The following MND1 variants were observed in gnomAD, a reference collection of about 807,000 sequenced individuals.
The protein encoded by MND1 is meiotic nuclear divisions 1.
MND1 carries 28 observed loss-of-function variants against 35.1 expected under a neutral mutation model. The ratio of observed to expected loss-of-function variants is 0.80; its 90% CI spans 0.59 to 1.09. The LOEUF (loss-of-function observed/expected upper bound fraction) is 1.09, where lower values mean the gene tolerates loss of function less well. Ranked by LOEUF, MND1 falls within the 50% of genes least tolerant of loss-of-function variation. The pLI is 0.00. For missense variants in MND1, 213 were observed against 239.6 expected (o/e 0.89, Z 0.73); for synonymous variants, 69 against 70.5 (o/e 0.98, Z 0.11).
At chr4:153,381,808 T>C (rs553011464) in intron 4 of MND1, 9 of 144,144 alleles carry the variant, frequency 6.2e-5, no homozygotes, top group South Asian at 2.2e-4. Context: ...AGCATGGGAG[T>C]TTTTACCTGT....
chr4:153,373,421 C>T (rs1461671376), intron 4 of MND1, among the ~76,000 whole-genome samples: 4 of 152,100 alleles, frequency 2.6e-5, no homozygotes, highest in Non-Finnish European at 4.4e-5. Flanking sequence ...GTCAAATATA[C>T]GGTTTTTATT....
chr4:153,361,899 G>A (rs13132311), intron 4 of MND1, among the ~76,000 whole-genome samples: 12,369 of 151,892 alleles, frequency 0.081, 636 homozygotes, highest in Non-Finnish European at 0.11. Context: ...TTCCCTAATA[G>A]CTCTGTTCTT....
chr4:153,368,761 T>C (rs1441752882), intron 4 of MND1, among the ~76,000 whole-genome samples: 1 of 152,198 alleles, frequency 6.6e-6, no homozygotes, highest in Non-Finnish European at 1.5e-5. Flanking sequence ...ATATTGTTAT[T>C]TGTGGCCGAA....
chr4:153,355,870 C>A, intron 3 of MND1, 159 bp downstream of exon 3: 1 of 585,420 alleles, frequency 1.7e-6, no homozygotes, highest in Admixed American at 3.2e-5. Flanking sequence ...CCAAAGATAA[C>A]CACTGTCATG....
At chr4:153,378,019 G>A (rs1225349631) in intron 4 of MND1, among the ~76,000 whole-genome samples, 1 of 152,092 alleles carries the variant, frequency 6.6e-6, no homozygotes, top group Non-Finnish European at 1.5e-5. Context: ...TTCTTTGAAG[G>A]CAGGGTCTAT....
intron 6 of MND1, among the ~76,000 whole-genome samples, chr4:153,400,759 A>G (rs868588045): frequency 3.2e-4 from 49 of 152,292 alleles, no homozygotes; most frequent in African/African-American, 1.1e-3. Context: ...TATGTCTGGC[A>G]TACAAGCAAA....
At chr4:153,387,894 T>A (rs1205599096) in intron 4 of MND1, among the ~76,000 whole-genome samples, 1 of 152,136 alleles carries the variant, frequency 6.6e-6, no homozygotes, top group African/African-American at 2.4e-5. Flanking sequence ...ACTGATCTAG[T>A]TGCTTTTGCT....
chr4:153,364,686 T>G (rs1382749459), intron 4 of MND1, among the ~76,000 whole-genome samples: 3 of 152,148 alleles, frequency 2.0e-5, no homozygotes, highest in African/African-American at 7.2e-5. Context: ...TGGAATATTA[T>G]TCAGCCTTAA....
At chr4:153,371,840 T>C (rs1319789926) in intron 4 of MND1, among the ~76,000 whole-genome samples, 1 of 152,164 alleles carries the variant, frequency 6.6e-6, no homozygotes, top group Non-Finnish European at 1.5e-5. Context: ...TCCGCCTGTT[T>C]TGGCTTTTGA....
rs58903970 is a variant in MND1 at position 153,409,370 on chromosome 4, C to CTAA, written c.511+373_511+375dup. On this transcript the variant is annotated intron_variant, in intron 7 of 7. Transcript: ENST00000240488. Reference sequence around the variant, plus strand: ...GAAATCTTAAAGATTTATCATCTTGCTAATAATAATAATAATAATAGCTAA... The same window carrying CTAA: ...GAAATCTTAAAGATTTATCATCTTGCTAATAATAATAATAATAATAATAGCTAA... Among the ~76,000 whole-genome samples the CTAA allele has an allele frequency of 3.1e-4, 47 of 149,428 alleles. 1 individual carries two copies. Among genetic ancestry groups the CTAA allele is most frequent in the Admixed American group, 8.1e-4 (12 of 14,830 alleles).
chr4:153,384,256 T>C (rs1728786568), intron 4 of MND1, among the ~76,000 whole-genome samples: 1 of 142,480 alleles, frequency 7.0e-6, no homozygotes. Flanking sequence ...TTCTACTTTC[T>C]GCTTTTTTTT....
At chr4:153,414,632 C>A (rs1729783739) in intron 7 of MND1, 119 bp from the exon 8 acceptor site, 1 of 486,546 alleles carries the variant, frequency 2.1e-6, no homozygotes, top group Non-Finnish European at 3.6e-6. Context: ...ACAGAAAACT[C>A]CTTATTTTGA....
intron 1 of MND1, 123 bp downstream of exon 1, chr4:153,344,863 C>G (rs1773032973): frequency 6.7e-7 from 1 of 1,482,782 alleles, no homozygotes; most frequent in Non-Finnish European, 9.0e-7. Flanking sequence ...GGAGCGGTCG[C>G]CCGGCTCTCG....
At chr4:153,361,622 G>A (rs1773495475) in intron 4 of MND1, 4 of 448,998 alleles carry the variant, frequency 8.9e-6, no homozygotes, top group Non-Finnish European at 1.8e-5. Flanking sequence ...GGCAGATCAC[G>A]AGGTCAGGAG....
intron 4 of MND1, among the ~76,000 whole-genome samples, chr4:153,373,195 C>T (rs1773833779): frequency 6.6e-6 from 1 of 151,930 alleles, no homozygotes; most frequent in African/African-American, 2.4e-5. Context: ...GTGTGATTAC[C>T]TATGTAGTTA....
chr4:153,380,780 G>T (rs2149645627), intron 4 of MND1, among the ~76,000 whole-genome samples: 1 of 152,230 alleles, frequency 6.6e-6, no homozygotes, highest in East Asian at 1.9e-4. Flanking sequence ...CAAAGATTGT[G>T]GGGGGAATAA....
intron 3 of MND1, among the ~76,000 whole-genome samples, chr4:153,358,125 A>G (rs960451221): frequency 6.6e-6 from 1 of 152,238 alleles, no homozygotes; most frequent in Admixed American, 6.5e-5. Flanking sequence ...GGAAATGATC[A>G]TATCTAATAG....
chr4:153,402,492 G>T (rs897275533), intron 6 of MND1, among the ~76,000 whole-genome samples: 9 of 152,192 alleles, frequency 5.9e-5, no homozygotes, highest in Admixed American at 4.6e-4. Context: ...AGGAAAATTA[G>T]CAGACTCTGA....
At chr4:153,409,887 T>A (rs1041429949) in intron 7 of MND1, among the ~76,000 whole-genome samples, 1 of 152,118 alleles carries the variant, frequency 6.6e-6, no homozygotes, top group African/African-American at 2.4e-5. Context: ...TCCCACAAAG[T>A]ATAAATAAAT....
Sources: gnomAD v4.1 joint callset for allele counts (sites outside exome capture counted in the v4.1 genomes callset) on GRCh38, gnomAD v4.1.1 for gene constraint, MANE v1.5 for transcripts, NCBI Gene and HGNC (gene_info 2026-07-23, HGNC 2026-07-21) for gene names.